MAML3: variants seen among roughly 807,000 people sequenced by gnomAD.
MAML3 encodes mastermind like transcriptional coactivator 3, also known as mastermind-like protein 3.
MAML3 carries 27 observed loss-of-function variants against 101.9 expected under a neutral mutation model. The ratio of observed to expected loss-of-function variants is 0.27; its 90% CI spans 0.20 to 0.37. The LOEUF is 0.37. Ranked by LOEUF, MAML3 falls within the 10% of genes least tolerant of loss-of-function variation. The pLI is 1.00. For synonymous variants in MAML3, 501 were observed against 555.9 expected, an observed-to-expected ratio of 0.90 and a Z score of 1.39; for missense variants, 1,316 against 1,444.9, an observed-to-expected ratio of 0.91 and a Z score of 1.45.
chr4:139,964,646 C>T (rs950707373), intron 1 of MAML3, among the ~76,000 whole-genome samples: 1 of 152,124 alleles, frequency 6.6e-6, no homozygotes, highest in African/African-American at 2.4e-5. Context: ...TAGTTCTCCA[C>T]CAGGTTTTTT....
At chr4:140,107,300 C>T (rs145451206) in intron 1 of MAML3, among the ~76,000 whole-genome samples, 26 of 152,214 alleles carry the variant, frequency 1.7e-4, no homozygotes, top group African/African-American at 6.0e-4. Flanking sequence ...TATTGGTCAG[C>T]GGTTAACACA....
intron 1 of MAML3, among the ~76,000 whole-genome samples, chr4:139,920,608 A>G (rs894575611): frequency 3.9e-5 from 6 of 152,270 alleles, no homozygotes; most frequent in African/African-American, 1.4e-4. Context: ...ATCCTGTTAC[A>G]TAACTGTTCA....
At chr4:140,104,221 C>CA in intron 1 of MAML3, among the ~76,000 whole-genome samples, 1 of 148,754 alleles carries the variant, frequency 6.7e-6, no homozygotes, top group Non-Finnish European at 1.5e-5. Context: ...CCTATGTCTA[C>CA]AAAAAATTTA....
chr4:139,772,875 C>T (rs11733955), intron 2 of MAML3, among the ~76,000 whole-genome samples: 33,533 of 147,408 alleles, frequency 0.23, 3,901 homozygotes, highest in Non-Finnish European at 0.25. Context: ...GTCAGGAGTT[C>T]GAGACCAGCC....
At chr4:140,123,719 A>T (rs184664983) in intron 1 of MAML3, among the ~76,000 whole-genome samples, 1 of 152,310 alleles carries the variant, frequency 6.6e-6, no homozygotes, top group Admixed American at 6.5e-5. Context: ...TTTAAATTCT[A>T]TTGTGAGGGG....
At chr4:139,939,923 C>T (rs1000073769) in intron 1 of MAML3, among the ~76,000 whole-genome samples, 1 of 152,110 alleles carries the variant, frequency 6.6e-6, no homozygotes, top group Admixed American at 6.5e-5. Context: ...CGCCACCACA[C>T]CCAGCTAATT....
chr4:140,097,210 A>T (rs982439371), intron 1 of MAML3, among the ~76,000 whole-genome samples: 1 of 152,226 alleles, frequency 6.6e-6, no homozygotes, highest in Non-Finnish European at 1.5e-5. Flanking sequence ...TAAGATTTCA[A>T]TTCAGGGCAA....
intron 1 of MAML3, among the ~76,000 whole-genome samples, chr4:140,116,868 A>T (rs541658259): frequency 1.1e-4 from 16 of 152,172 alleles, no homozygotes; most frequent in Non-Finnish European, 2.2e-4. Flanking sequence ...AGATTTTTTT[A>T]AAAGCATAGG....
chr4:139,743,161 C>T (rs1579383653), intron 2 of MAML3, among the ~76,000 whole-genome samples: 3 of 152,224 alleles, frequency 2.0e-5, no homozygotes, highest in South Asian at 4.1e-4. Context: ...CACATATACA[C>T]GTCTCCACCT....
At chr4:139,941,497 C>T (rs1733595003) in intron 1 of MAML3, among the ~76,000 whole-genome samples, 1 of 151,888 alleles carries the variant, frequency 6.6e-6, no homozygotes, top group African/African-American at 2.4e-5. Context: ...GTACGCAAAA[C>T]TAGGATACCA....
chr4:140,101,256 C>T (rs1728247897), intron 1 of MAML3, among the ~76,000 whole-genome samples: 1 of 152,150 alleles, frequency 6.6e-6, no homozygotes. Context: ...AACAGGAACA[C>T]AATTTTAATC....
At chr4:140,009,869 A>G (rs1256281660) in intron 1 of MAML3, among the ~76,000 whole-genome samples, 1 of 152,244 alleles carries the variant, frequency 6.6e-6, no homozygotes, top group Non-Finnish European at 1.5e-5. Context: ...CATTTGGGAT[A>G]GAATGTATCT....
chr4:139,983,718 G>A (rs866727172), intron 1 of MAML3, among the ~76,000 whole-genome samples: 1 of 152,188 alleles, frequency 6.6e-6, no homozygotes, highest in Non-Finnish European at 1.5e-5. Context: ...TGGTAACATG[G>A]AAAACAGTAT....
chr4:139,788,092 G>A (rs1161224615), intron 2 of MAML3, among the ~76,000 whole-genome samples: 1 of 152,194 alleles, frequency 6.6e-6, no homozygotes, highest in East Asian at 1.9e-4. Flanking sequence ...TGAGGCACCA[G>A]AGTCCAATTC....
At chr4:139,876,808 A>C (rs1161458837) in intron 2 of MAML3, among the ~76,000 whole-genome samples, 1 of 152,198 alleles carries the variant, frequency 6.6e-6, no homozygotes, top group South Asian at 2.1e-4. Flanking sequence ...GCTGCAGTTT[A>C]TCGGCTCAGA....
intron 1 of MAML3, among the ~76,000 whole-genome samples, chr4:140,078,235 T>A (rs1727807899): frequency 6.6e-6 from 1 of 151,682 alleles, no homozygotes; most frequent in South Asian, 2.1e-4. Context: ...GGAAAAGGCA[T>A]CAGATGTTTT....
chr4:140,062,594 GC>G (rs1727465245), intron 1 of MAML3, among the ~76,000 whole-genome samples: 1 of 152,064 alleles, frequency 6.6e-6, no homozygotes, highest in African/African-American at 2.4e-5. Flanking sequence ...ATTTATTTCT[GC>G]CCACCAGGTA....
chr4:139,776,485 T>G (rs990666367), intron 2 of MAML3, among the ~76,000 whole-genome samples: 35 of 152,200 alleles, frequency 2.3e-4, no homozygotes, highest in African/African-American at 7.2e-5. Context: ...GATAGATAAG[T>G]GAAAAATAAC....
chr4:139,999,170 T>C (rs1010065825), intron 1 of MAML3, among the ~76,000 whole-genome samples: 8 of 152,322 alleles, frequency 5.3e-5, no homozygotes, highest in South Asian at 2.1e-4. Flanking sequence ...TCTGGGGATA[T>C]GCTTACTCCA....
Sources: gnomAD v4.1 joint callset for allele counts (sites outside exome capture counted in the v4.1 genomes callset) on GRCh38, gnomAD v4.1.1 for gene constraint, MANE v1.5 for transcripts, NCBI Gene and HGNC (gene_info 2026-07-23, HGNC 2026-07-21) for gene names.